The following SKAP2 variants were observed in gnomAD, a reference collection of about 807,000 sequenced individuals.
SKAP2 encodes the protein src kinase associated phosphoprotein 2.
In SKAP2, 28 loss-of-function variants were observed where a neutral mutation model predicts 54.9. The ratio of observed to expected loss-of-function variants is 0.51; its 90% CI spans 0.38 to 0.70. SKAP2 has a LOEUF of 0.70. Ranked by LOEUF, SKAP2 falls within the 30% of genes least tolerant of loss-of-function variation. The probability of loss-of-function intolerance (pLI) is 0.00; values close to 1 mark genes in which losing one functional copy is unlikely to be tolerated. For synonymous variants in SKAP2, 137 were observed against 134.3 expected (o/e 1.02, Z -0.14); for missense variants, 356 against 424.1 (o/e 0.84, Z 1.41).
intron 4 of SKAP2, among the ~76,000 whole-genome samples, chr7:26,808,927 A>G (rs571575778): frequency 6.6e-6 from 1 of 152,252 alleles, no homozygotes; most frequent in South Asian, 2.1e-4. Context: ...ACAGGTAACA[A>G]AAGCAAAAGT....
chr7:26,698,944 A>C (rs1468662741), intron 9 of SKAP2, among the ~76,000 whole-genome samples: 2 of 152,184 alleles, frequency 1.3e-5, no homozygotes, highest in East Asian at 3.8e-4. Context: ...TGGTGATATA[A>C]ACAAAATGTG....
At chr7:26,766,713 CTATT>C (rs1783064920) in intron 4 of SKAP2, among the ~76,000 whole-genome samples, 1 of 152,086 alleles carries the variant, frequency 6.6e-6, no homozygotes, top group South Asian at 2.1e-4. Context: ...TTTTCTGCAT[CTATT>C]GAGATAATCA....
chr7:26,769,547 G>C (rs953935365), intron 4 of SKAP2, among the ~76,000 whole-genome samples: 4 of 152,132 alleles, frequency 2.6e-5, no homozygotes, highest in Non-Finnish European at 4.4e-5. Context: ...TCTGGTTTTT[G>C]GAATTTTCAG....
At chr7:26,694,888 T>C (rs1315877890) in intron 9 of SKAP2, among the ~76,000 whole-genome samples, 3 of 152,092 alleles carry the variant, frequency 2.0e-5, no homozygotes, top group Admixed American at 1.3e-4. Context: ...ATTACCCTAA[T>C]AGGGATTGCA....
At chr7:26,850,165 G>A (rs1464745406) in intron 3 of SKAP2, among the ~76,000 whole-genome samples, 1 of 152,186 alleles carries the variant, frequency 6.6e-6, no homozygotes, top group African/African-American at 2.4e-5. Flanking sequence ...ACCTTGTTAT[G>A]TGATAGAGAA....
At chr7:26,773,531 G>A (rs1031203015) in intron 4 of SKAP2, among the ~76,000 whole-genome samples, 5 of 152,170 alleles carry the variant, frequency 3.3e-5, no homozygotes, top group African/African-American at 1.2e-4. Context: ...TAAAGTGCTA[G>A]GCACCTTCCC....
chr7:26,750,069 GC>G (rs537959788), intron 4 of SKAP2, among the ~76,000 whole-genome samples: 96 of 151,952 alleles, frequency 6.3e-4, no homozygotes, highest in Non-Finnish European at 1.2e-3. Context: ...AATAAGTGGA[GC>G]AAGGACCTTA....
chr7:26,809,568 T>C (rs1237015938), intron 4 of SKAP2, among the ~76,000 whole-genome samples: 1 of 152,160 alleles, frequency 6.6e-6, no homozygotes, highest in Non-Finnish European at 1.5e-5. Flanking sequence ...ACCTCACACC[T>C]GTCAGAACAG....
chr7:26,741,508 C>T (rs768591672), intron 4 of SKAP2, among the ~76,000 whole-genome samples: 8 of 151,564 alleles, frequency 5.3e-5, no homozygotes, highest in Non-Finnish European at 1.0e-4. Context: ...CACTGCGCTC[C>T]AGCCTGGGTA....
intron 4 of SKAP2, among the ~76,000 whole-genome samples, chr7:26,786,609 G>A (rs1401691299): frequency 6.6e-6 from 1 of 152,192 alleles, no homozygotes; most frequent in Non-Finnish European, 1.5e-5. Context: ...GCAGTGGCGA[G>A]CCTGGCACTT....
In SKAP2 at chr7:26,860,892, A is replaced by T. The variant is rs910578807; in HGVS notation, c.67+3471T>A. 2.6e-5 allele frequency among the ~76,000 whole-genome samples: 4 copies of T among 152,298 alleles called. No homozygotes were observed. The East Asian group carries it at 7.7e-4, about 29-fold the overall frequency. On this transcript the variant is annotated intron_variant, in intron 1 of 12. Coordinates refer to ENST00000345317, the MANE Select transcript of SKAP2 (RefSeq NM_003930.5). Reference sequence around the variant, plus strand: ...ATTTTCTAATGTTCTAAAAATTCCCAGTAGGGAAAATGTGGTATTTCTAAT... The same window carrying T: ...ATTTTCTAATGTTCTAAAAATTCCCTGTAGGGAAAATGTGGTATTTCTAAT...
intron 3 of SKAP2, among the ~76,000 whole-genome samples, chr7:26,850,040 T>C (rs1207261597): frequency 6.6e-6 from 1 of 152,214 alleles, no homozygotes; most frequent in Admixed American, 6.5e-5. Context: ...TTTTTTATCA[T>C]GTACTTAATA....
intron 9 of SKAP2, among the ~76,000 whole-genome samples, chr7:26,701,276 G>A (rs1417019512): frequency 1.3e-5 from 2 of 152,262 alleles, no homozygotes; most frequent in South Asian, 4.1e-4. Context: ...AATAGAAACT[G>A]AGCTGTTTTC....
At chr7:26,801,038 C>G (rs141200858) in intron 4 of SKAP2, among the ~76,000 whole-genome samples, 1,628 of 150,936 alleles carry the variant, frequency 0.011, 27 homozygotes, top group African/African-American at 0.038. Flanking sequence ...AAGACGCATC[C>G]AAGAAAGAAA....
At chr7:26,657,094 A>G in the SKAP2 span, among the ~76,000 whole-genome samples, 1 of 152,220 alleles carries the variant, frequency 6.6e-6, no homozygotes. Context: ...ATAAAGAAAT[A>G]CCTGGTAACT....
At chr7:26,670,003 A>T in intron 12 of SKAP2, 88 bp downstream of exon 12, 1 of 547,234 alleles carries the variant, frequency 1.8e-6, no homozygotes, top group East Asian at 2.8e-5. Flanking sequence ...AGAAAACTCT[A>T]AAGACTTTTA....
At chr7:26,793,254 T>G (rs1018682077) in intron 4 of SKAP2, among the ~76,000 whole-genome samples, 1 of 152,200 alleles carries the variant, frequency 6.6e-6, no homozygotes, top group African/African-American at 2.4e-5. Context: ...GACCAGAAAT[T>G]ATACTGCTAA....
intron 1 of SKAP2, among the ~76,000 whole-genome samples, chr7:26,856,012 T>G (rs1785154320): frequency 6.6e-6 from 1 of 152,128 alleles, no homozygotes; most frequent in African/African-American, 2.4e-5. Context: ...CAACTGTACT[T>G]ACAATTAACC....
chr7:26,764,840 G>A (rs1256113779), intron 4 of SKAP2, among the ~76,000 whole-genome samples: 1 of 152,036 alleles, frequency 6.6e-6, no homozygotes, highest in African/African-American at 2.4e-5. Flanking sequence ...CGTGAGCCAC[G>A]GCGCCTGGCT....
Sources: allele counts gnomAD v4.1 joint callset (sites outside exome capture counted in the v4.1 genomes callset), GRCh38; gene constraint gnomAD v4.1.1; transcripts MANE v1.5; gene names NCBI Gene and HGNC (gene_info 2026-07-23, HGNC 2026-07-21).